The following CLIP1 variants were observed in gnomAD, a reference collection of about 807,000 sequenced individuals.
CLIP1 encodes the protein CAP-Gly domain-containing linker protein 1.
CLIP1 carries 66 observed loss-of-function variants against 161.6 expected under a neutral mutation model. The ratio of observed to expected loss-of-function variants is 0.41; its 90% confidence interval spans 0.33 to 0.50. The LOEUF (loss-of-function observed/expected upper bound fraction) is 0.50. CLIP1 is among the 20% of genes least tolerant of loss of function. CLIP1 has a pLI of 0.27. For synonymous variants in CLIP1, 598 were observed against 626.2 expected (o/e 0.96, Z 0.67); for missense variants, 1,376 against 1,702.0 (o/e 0.81, Z 3.37).
rs1002906656 is a variant in CLIP1 at position 122,332,158 on chromosome 12, G to A, written c.2867+829C>T. ...TAAAAATACAAAATTAGCCAGGCAT[G>A]GTGGTGCAAGCCTGTAATCTCAGCT... On this transcript the variant is annotated intron_variant, in intron 15 of 25. Transcript: ENST00000620786. Among the ~76,000 whole-genome samples, 18 of 152,008 alleles carry A rather than the reference G, an allele frequency of 1.2e-4. 1 individual carries two copies. In the East Asian group the frequency reaches 2.7e-3, roughly 23 times the overall value.
At chr12:122,288,288 T>A (rs1215464025) in intron 21 of CLIP1, among the ~76,000 whole-genome samples, 1 of 152,196 alleles carries the variant, frequency 6.6e-6, no homozygotes, top group East Asian at 1.9e-4. Flanking sequence ...CCTCCCAAAG[T>A]GCTGGGATTA....
intron 1 of CLIP1, among the ~76,000 whole-genome samples, chr12:122,394,549 G>T (rs1238112202): frequency 7.1e-6 from 1 of 141,590 alleles, no homozygotes; most frequent in South Asian, 2.3e-4. Context: ...TTTGCACCCA[G>T]AATACAGAAA....
At chr12:122,402,773 C>A (rs553291141) in intron 1 of CLIP1, among the ~76,000 whole-genome samples, 1 of 152,152 alleles carries the variant, frequency 6.6e-6, no homozygotes, top group East Asian at 1.9e-4. Flanking sequence ...TACATTCCAG[C>A]CTGGGTGACA....
At chr12:122,310,662 T>C (rs1366404988) in intron 19 of CLIP1, among the ~76,000 whole-genome samples, 1 of 152,244 alleles carries the variant, frequency 6.6e-6, no homozygotes, top group African/African-American at 2.4e-5. Context: ...TACATGAATA[T>C]GCACAATATT....
Position 122,279,191 on chromosome 12 carries a change from T to C in CLIP1, c.3648-46A>G. ...AAGTTCCACAAATCAACCGAAAGAC[T>C]GGTCAGTGTACAACTGTTCTAGAAC... On this transcript the variant is annotated intron_variant, in intron 21 of 25. Transcript: ENST00000620786. The surrounding 1 kb of genome is among the most constrained non-coding windows in gnomAD (Gnocchi z 4.5). 2 of 1,285,674 alleles carry C rather than the reference T, an allele frequency of 1.6e-6. No homozygotes were observed. Among genetic ancestry groups the C allele is most frequent in the Non-Finnish European group, 2.2e-6 (2 of 898,916 alleles). The allele number at this position is 1,285,674 out of a possible 1,614,324, so 79.6% of individuals were successfully genotyped here.
intron 1 of CLIP1, among the ~76,000 whole-genome samples, chr12:122,393,848 G>A (rs1380024897): frequency 7.0e-6 from 1 of 142,514 alleles, no homozygotes; most frequent in Admixed American, 7.6e-5. Flanking sequence ...GGAGGCAGAA[G>A]TTGTGGTTAG....
intron 24 of CLIP1, chr12:122,276,627 A>C (rs1205042417): frequency 4.7e-6 from 2 of 430,048 alleles, no homozygotes; most frequent in African/African-American, 2.1e-5. Context: ...TCTGGCAACT[A>C]ACATCTCAAG....
intron 5 of CLIP1, among the ~76,000 whole-genome samples, chr12:122,358,182 G>A (rs1177280999): frequency 6.6e-6 from 1 of 151,458 alleles, no homozygotes; most frequent in Non-Finnish European, 1.5e-5. Context: ...GTCCACTCAG[G>A]GTTAAATGGA....
chr12:122,398,199 A>G (rs1015149950), intron 1 of CLIP1, among the ~76,000 whole-genome samples: 7 of 149,906 alleles, frequency 4.7e-5, no homozygotes, highest in Non-Finnish European at 7.4e-5. Flanking sequence ...CCGGATCACC[A>G]GAGGTCAGGA....
At chr12:122,274,344 G>A (rs1481739071) in intron 24 of CLIP1, 182 bp from the exon 25 acceptor site, 1 of 530,214 alleles carries the variant, frequency 1.9e-6, no homozygotes, top group Non-Finnish European at 3.4e-6. Flanking sequence ...GATTGTGTGA[G>A]TAAAGAGCTG....
intron 5 of CLIP1, among the ~76,000 whole-genome samples, chr12:122,357,610 G>A (rs1443339001): frequency 6.4e-5 from 9 of 141,158 alleles, no homozygotes; most frequent in Non-Finnish European, 1.2e-4. Context: ...AAGGTGAGGG[G>A]CGCCTCTGCC....
At chr12:122,278,520 T>C in intron 23 of CLIP1, 1 of 537,322 alleles carries the variant, frequency 1.9e-6, no homozygotes, top group South Asian at 2.8e-5. Context: ...CCTCTTCTCC[T>C]GCACTGTTAT....
At chr12:122,357,287 G>T (rs567030095) in intron 5 of CLIP1, among the ~76,000 whole-genome samples, 1 of 151,432 alleles carries the variant, frequency 6.6e-6, no homozygotes, top group Non-Finnish European at 1.5e-5. Context: ...CTACCTGGCC[G>T]CGACCCTGTC....
chr12:122,381,962 C>T (rs1196437929), intron 1 of CLIP1, among the ~76,000 whole-genome samples: 1 of 152,234 alleles, frequency 6.6e-6, no homozygotes, highest in Non-Finnish European at 1.5e-5. Flanking sequence ...CACTGGCTCA[C>T]GCCTGTAATC....
intron 17 of CLIP1, among the ~76,000 whole-genome samples, chr12:122,325,954 C>T (rs986439177): frequency 1.3e-5 from 2 of 152,162 alleles, no homozygotes; most frequent in Admixed American, 6.6e-5. Context: ...GAACTGGCTA[C>T]AAATTTACAT....
intron 1 of CLIP1, among the ~76,000 whole-genome samples, chr12:122,409,364 G>C (rs1246339472): frequency 6.6e-6 from 1 of 151,652 alleles, no homozygotes; most frequent in Non-Finnish European, 1.5e-5. Flanking sequence ...GGCCTCAAGT[G>C]ATCTGCCCAC....
chr12:122,379,074 G>A (rs1340773382), intron 2 of CLIP1, among the ~76,000 whole-genome samples: 6 of 151,926 alleles, frequency 3.9e-5, no homozygotes, highest in East Asian at 1.9e-4. Context: ...GCAGTGAGCC[G>A]AAATCATGTC....
chr12:122,376,409 T>A (rs373151863), intron 3 of CLIP1, among the ~76,000 whole-genome samples: 1 of 152,204 alleles, frequency 6.6e-6, no homozygotes, highest in East Asian at 1.9e-4. Context: ...TGTTTCTGCC[T>A]GTCATGTGGA....
At chr12:122,307,467 C>T (rs1593028726) in intron 20 of CLIP1, among the ~76,000 whole-genome samples, 1 of 152,254 alleles carries the variant, frequency 6.6e-6, no homozygotes, top group South Asian at 2.1e-4. Context: ...GGTCGTGGGT[C>T]AGTACTTACC....
Sources: allele counts gnomAD v4.1 joint callset (sites outside exome capture counted in the v4.1 genomes callset), GRCh38; gene constraint gnomAD v4.1.1; non-coding constraint Gnocchi (gnomAD v3.1); transcripts MANE v1.5; gene names NCBI Gene and HGNC (gene_info 2026-07-23, HGNC 2026-07-21).